The following ARSJ variants were observed in gnomAD, a reference collection of about 807,000 sequenced individuals.
The protein encoded by ARSJ is arylsulfatase J.
Under a neutral mutation model 35.9 loss-of-function variants are expected in ARSJ, and 26 were observed. The observed-to-expected ratio is 0.72, with a 90% CI of 0.53 to 1.00. The LOEUF is 1.00. Among genes scored for constraint, ARSJ ranks in the 50% least tolerant of loss-of-function variants. The pLI, the probability that ARSJ is intolerant of heterozygous loss-of-function variation, is 0.00. For missense variants in ARSJ, 667 were observed against 723.6 expected (o/e 0.92, Z 0.90); for synonymous variants, 294 against 267.6 (o/e 1.10, Z -0.96).
At chr4:113,926,684 G>A (rs770516668) in intron 1 of ARSJ, among the ~76,000 whole-genome samples, 9 of 152,090 alleles carry the variant, frequency 5.9e-5, no homozygotes, top group African/African-American at 1.2e-4. Flanking sequence ...ATTTGATGAT[G>A]GAATGCTGCT....
At chr4:113,908,364 C>T (rs920180972) in intron 1 of ARSJ, among the ~76,000 whole-genome samples, 5 of 152,156 alleles carry the variant, frequency 3.3e-5, no homozygotes, top group Admixed American at 1.3e-4. Context: ...AGGAAAAATG[C>T]TATTTGTGCT....
intron 1 of ARSJ, among the ~76,000 whole-genome samples, chr4:113,931,081 C>T (rs1055880592): frequency 1.3e-5 from 2 of 151,434 alleles, no homozygotes; most frequent in African/African-American, 2.4e-5. Flanking sequence ...TGCTAGATGA[C>T]GAGTTAGTGG....
At chr4:113,930,195 C>T (rs1724343408) in intron 1 of ARSJ, among the ~76,000 whole-genome samples, 1 of 152,082 alleles carries the variant, frequency 6.6e-6, no homozygotes, top group Admixed American at 6.6e-5. Flanking sequence ...TATTAACTTA[C>T]ACTATCACAA....
At chr4:113,966,919 C>A (rs1726927227) in intron 1 of ARSJ, among the ~76,000 whole-genome samples, 1 of 152,158 alleles carries the variant, frequency 6.6e-6, no homozygotes, top group South Asian at 2.1e-4. Context: ...CTGGTCCTTA[C>A]CCTCTCTACC....
At chr4:113,963,689 G>GATGA (rs1354388737) in intron 1 of ARSJ, among the ~76,000 whole-genome samples, 1 of 150,974 alleles carries the variant, frequency 6.6e-6, no homozygotes, top group Non-Finnish European at 1.5e-5. Context: ...TGAATGAATG[G>GATGA]ATGAATGAAT....
At position 113,978,819 on chromosome 4, in the gene ARSJ, A is replaced by G. The variant is rs1170388478; in HGVS notation, c.16T>C (p.Cys6Arg). The G allele has an allele frequency of 1.4e-5, 22 of 1,601,266 alleles. No individual in the cohort carries two copies. Among genetic ancestry groups the G allele is most frequent in the Non-Finnish European group, 1.9e-5 (22 of 1,174,578 alleles). The change falls in exon 1 of 2, where the codon TGT (cysteine) becomes CGT (arginine). Residue 6 changes from cysteine to arginine, a missense_variant. By Grantham distance (180) the Cys-to-Arg change is radical. Transcript: ENST00000315366. Reference sequence around the variant, plus strand: ...GAAGGCGGAGGCGGATGCCCCGCACAGCCCCTGGGAGCCATTCACTCAGGT... The same window carrying G: ...GAAGGCGGAGGCGGATGCCCCGCACGGCCCCTGGGAGCCATTCACTCAGGT... MAPRG[C>R]AGHPPPPSPQ... is the part of the protein sequence containing the mutation.
intron 1 of ARSJ, among the ~76,000 whole-genome samples, chr4:113,952,749 T>A (rs1725942479): frequency 6.6e-6 from 1 of 152,022 alleles, no homozygotes; most frequent in African/African-American, 2.4e-5. Context: ...ACTCTCAGGT[T>A]TACCCCGAAA....
rs2099666768 is a variant in ARSJ, at chr4:113,900,633, A to T, written c.*1641T>A. Reference sequence around the variant, plus strand: ...ACCACCACACACATTTTCAGATCACAGTTATAACTTCAAAGATCATAATTC... The same window carrying T: ...ACCACCACACACATTTTCAGATCACTGTTATAACTTCAAAGATCATAATTC... On this transcript the variant is annotated 3_prime_UTR_variant, in exon 2 of 2. Transcript: ENST00000315366. The T allele has an allele frequency of 6.6e-6, 1 of 152,188 alleles. No homozygotes were observed. The highest frequency in any genetic ancestry group is 2.1e-4 in the South Asian group (1 of 4,822). The allele number at this position is 152,188 out of a possible 1,614,324, so 9.4% of individuals were successfully genotyped here. A position where few individuals can be genotyped will look rare whatever the true frequency, so the allele number is the denominator to read the frequency against.
chr4:113,941,602 T>G (rs563388418), intron 1 of ARSJ, among the ~76,000 whole-genome samples: 8 of 152,130 alleles, frequency 5.3e-5, no homozygotes, highest in Non-Finnish European at 1.0e-4. Context: ...AAATGTCATT[T>G]AATTCAAATT....
chr4:113,903,284 C>T lies in ARSJ; in HGVS notation c.790G>A (p.Ala264Thr). The stretch of plus-strand genomic sequence containing the variant: ...AGTGGTGAATGAACAGCTTGATAGG[C>T]AATATATAAAAATATAGGCTTTGTG... ...NPTKPIFLYI[A>T]YQAVHSPLQA... The change falls in exon 2 of 2, where the codon GCC becomes ACC. Residue 264 changes from alanine to threonine, a missense_variant. Transcript: ENST00000315366. 1.2e-6 allele frequency: 2 copies of T among 1,614,058 alleles called. No individual in the cohort carries two copies. The highest frequency in any genetic ancestry group is 1.7e-6 in the Non-Finnish European group (2 of 1,180,018).
intron 1 of ARSJ, among the ~76,000 whole-genome samples, chr4:113,931,172 T>C (rs1309695381): frequency 6.8e-6 from 1 of 147,968 alleles, no homozygotes; most frequent in Non-Finnish European, 1.5e-5. Context: ...ACATAAAGTA[T>C]AATTTAAAAA....
At position 113,979,109 on chromosome 4, in the gene ARSJ, A is replaced by AG. The variant is rs1346919978; in HGVS notation, c.-276_-275insC. On this transcript the variant is annotated 5_prime_UTR_variant, in exon 1 of 2. Transcript: ENST00000315366. Reference sequence around the variant, plus strand: ...CTAGAGCAGCTTCCACCAAGGAAAAAAAAAAGAAAAAAGTTAATATCTCCA... The same window carrying AG: ...CTAGAGCAGCTTCCACCAAGGAAAAAGAAAAAGAAAAAAGTTAATATCTCCA... The AG allele has an allele frequency of 1.2e-5, 4 of 338,290 alleles. No individual in the cohort carries two copies. The highest frequency in any genetic ancestry group is 2.1e-5 in the African/African-American group (1 of 47,298). 21.0% of individuals were successfully genotyped at this position (338,290 alleles called of 1,614,324 possible).
intron 1 of ARSJ, among the ~76,000 whole-genome samples, chr4:113,960,675 T>A (rs1489983530): frequency 1.3e-5 from 2 of 152,138 alleles, no homozygotes; most frequent in African/African-American, 4.8e-5. Flanking sequence ...TATAACTTGA[T>A]GCTGGTACTT....
chr4:113,917,209 T>G (rs11098209), intron 1 of ARSJ, among the ~76,000 whole-genome samples: 2 of 151,890 alleles, frequency 1.3e-5, no homozygotes. Flanking sequence ...ACAGTGTTGC[T>G]TCTCTTAGTG....
chr4:113,903,203 T>A lies in ARSJ; in HGVS notation c.871A>T (p.Arg291Trp). The A allele has an allele frequency of 6.2e-7, 1 of 1,614,184 alleles. No individual in the cohort carries two copies. The highest frequency in any genetic ancestry group is 8.5e-7 in the Non-Finnish European group (1 of 1,180,004). ...HYRSIININR[R>W]RYAAMLSCLD... ...CAGGAAAGCATGGCAGCATATCTCC[T>A]CCTGTTTATGTTGATAATGGATCGG... is the stretch of plus-strand genomic sequence containing the variant. The change falls in exon 2 of 2, where the codon AGG becomes TGG. Residue 291 changes from arginine to tryptophan, a missense_variant. Physicochemically the swap from Arg to Trp is moderately radical, Grantham distance 101. Transcript: ENST00000315366.
intron 1 of ARSJ, among the ~76,000 whole-genome samples, chr4:113,944,861 AATTCATTTTAAC>A: frequency 1.3e-5 from 2 of 152,206 alleles, no homozygotes; most frequent in Middle Eastern, 3.4e-3. Flanking sequence ...ACTATTAACA[AATTCATTTTAAC>A]ATTCCTGATT....
intron 1 of ARSJ, among the ~76,000 whole-genome samples, chr4:113,921,376 A>T (rs548204525): frequency 6.6e-6 from 1 of 152,268 alleles, no homozygotes; most frequent in South Asian, 2.1e-4. Flanking sequence ...AAGATTCCTT[A>T]GTTAAGATTC....
chr4:113,954,137 CACCG>C (rs1726027850), intron 1 of ARSJ, among the ~76,000 whole-genome samples: 1 of 151,942 alleles, frequency 6.6e-6, no homozygotes, highest in African/African-American at 2.4e-5. Context: ...TTCCTCAAGT[CACCG>C]ACATCTCAGT....
At chr4:113,917,457 T>G (rs1160771562) in intron 1 of ARSJ, among the ~76,000 whole-genome samples, 3 of 152,172 alleles carry the variant, frequency 2.0e-5, no homozygotes, top group African/African-American at 7.2e-5. Context: ...TGAAAATGCA[T>G]GTAAAAGTGC....
Sources: gnomAD v4.1 joint callset for allele counts (sites outside exome capture counted in the v4.1 genomes callset) on GRCh38, gnomAD v4.1.1 for gene constraint, MANE v1.5 for transcripts, NCBI Gene and HGNC (gene_info 2026-07-23, HGNC 2026-07-21) for gene names.